LMOD2: variants seen among roughly 807,000 people sequenced by gnomAD.
LMOD2 encodes leiomodin-2.
In LMOD2, 27 loss-of-function variants were observed where a neutral mutation model predicts 41.7. The ratio of observed to expected loss-of-function variants is 0.65; its 90% confidence interval spans 0.48 to 0.89. The LOEUF is 0.89. Among genes scored for constraint, LMOD2 ranks in the 40% least tolerant of loss-of-function variants. LMOD2 has a pLI of 0.00. For missense variants in LMOD2, 624 were observed against 667.9 expected, an observed-to-expected ratio of 0.93 and a Z score of 0.72; for synonymous variants, 251 against 244.6, an observed-to-expected ratio of 1.03 and a Z score of -0.25.
chr7:123,660,606 C>T (rs1267580949), intron 1 of LMOD2, among the ~76,000 whole-genome samples: 1 of 150,960 alleles, frequency 6.6e-6, no homozygotes, highest in East Asian at 1.9e-4. Context: ...AAAAAGTTGC[C>T]AATATAGAGA....
In LMOD2 at chr7:123,663,057, A is replaced by C; in HGVS notation, c.1471A>C (p.Ser491Arg). ...GAAAAAGGTCAAGAAACAGCCAAAC[A>C]GTATTCTAAAGGAAATAAAAAATTC... ...KGKKVKKQPN[S>R]ILKEIKNSLR... The change falls in exon 2 of 3, where the codon AGT (serine) becomes CGT (arginine). Residue 491 changes from serine (S) to arginine (R), a missense_variant. Ser to Arg is a moderately radical substitution (Grantham distance 110). Coordinates refer to ENST00000458573, the MANE Select transcript of LMOD2 (RefSeq NM_207163.3). The C allele has an allele frequency of 6.4e-7, 1 of 1,556,584 alleles. No homozygotes were observed. Among genetic ancestry groups the C allele is most frequent in the East Asian group, 2.4e-5 (1 of 41,292 alleles).
In LMOD2 at chr7:123,656,221, G is replaced by T; in HGVS notation, c.258G>T (p.Leu86=). The T allele has an allele frequency of 6.2e-7, 1 of 1,606,966 alleles. No individual in the cohort carries two copies. The highest frequency in any genetic ancestry group is 8.5e-7 in the Non-Finnish European group (1 of 1,177,044). Reference sequence around the variant, plus strand: ...AAAAACTCTTGGAGAAGGAGAGGCTGGGGGAATGTGGAAAGGTAGGCTCTC... The same window carrying T: ...AAAAACTCTTGGAGAAGGAGAGGCTTGGGGAATGTGGAAAGGTAGGCTCTC... The part of the protein sequence containing the change: ...ESQKLLEKER[L]GECGKVAEDK... Residue 86 remains leucine, a synonymous_variant, in exon 1 of 3, where the codon CTG becomes CTT. Coordinates refer to ENST00000458573, the MANE Select transcript of LMOD2 (RefSeq NM_207163.3).
chr7:123,656,034 C>G lies in LMOD2; in HGVS notation c.71C>G (p.Ser24Cys). ...ESIDEDELLASLSAEELKELE... is the reference protein window; with the variant it reads ...ESIDEDELLACLSAEELKELE... ...ATCGACGAGGATGAACTCCTCGCCT[C>G]CCTGTCAGCCGAGGAGCTGAAGGAG... The change falls in exon 1 of 3, where the codon TCC (serine) becomes TGC (cysteine). Residue 24 changes from serine (S) to cysteine (C), a missense_variant. By Grantham distance (112) the Ser-to-Cys change is moderately radical. Coordinates refer to ENST00000458573, the MANE Select transcript of LMOD2 (RefSeq NM_207163.3). 1 of 1,610,754 alleles carries G rather than the reference C, an allele frequency of 6.2e-7. No homozygotes were observed. Among genetic ancestry groups the G allele is most frequent in the Middle Eastern group, 1.6e-4 (1 of 6,062 alleles).
Position 123,662,278 on chromosome 7 carries a change from G to C in LMOD2, c.692G>C (p.Arg231Pro). 6.2e-7 allele frequency: 1 copy of C among 1,614,000 alleles called. No homozygotes were observed. The highest frequency in any genetic ancestry group is 8.5e-7 in the Non-Finnish European group (1 of 1,179,898). ...IENITTQTLT[R>P]FAEALKDNTV... ...AACATCACAACACAGACCCTTACCC[G>C]CTTTGCTGAAGCCCTCAAGGACAAC... Residue 231 changes from arginine to proline, a missense_variant, in exon 2 of 3, where the codon CGC becomes CCC. Coordinates refer to ENST00000458573, the MANE Select transcript of LMOD2 (RefSeq NM_207163.3). The surrounding 1 kb of genome is among the most constrained non-coding windows in gnomAD (Gnocchi z 4.0).
chr7:123,661,602 T>C (rs1802874611), intron 1 of LMOD2, among the ~76,000 whole-genome samples: 1 of 152,200 alleles, frequency 6.6e-6, no homozygotes, highest in South Asian at 2.1e-4. Flanking sequence ...AAAATGATTA[T>C]ATATTTTTAT....
chr7:123,658,957 A>G (rs1460292687), intron 1 of LMOD2, among the ~76,000 whole-genome samples: 1 of 152,188 alleles, frequency 6.6e-6, no homozygotes, highest in Non-Finnish European at 1.5e-5. Flanking sequence ...CCTGAATAAC[A>G]TGGGGGTCAG....
intron 1 of LMOD2, among the ~76,000 whole-genome samples, chr7:123,656,607 T>C (rs961664453): frequency 1.3e-5 from 2 of 152,228 alleles, no homozygotes; most frequent in Non-Finnish European, 2.9e-5. Context: ...TATAAATGTA[T>C]ACTTTTTTTT....
In LMOD2 at chr7:123,662,757, G is replaced by T. The variant is rs1802903730; in HGVS notation, c.1171G>T (p.Val391Leu). The change falls in exon 2 of 3, where the codon GTA becomes TTA. Residue 391 changes from valine (V) to leucine (L), a missense_variant. By Grantham distance (32) the Val-to-Leu change is conservative. Coordinates refer to ENST00000458573, the MANE Select transcript of LMOD2 (RefSeq NM_207163.3). This position sits in a 1 kb window ranked among gnomAD's most constrained non-coding sequence, Gnocchi z 4.0. ...AGGAACACCTAGCTCTTCACCTTATGTATCTCCCAGGCACTCACCCTGGTC... is the reference window on the plus strand; with the variant it reads ...AGGAACACCTAGCTCTTCACCTTATTTATCTCCCAGGCACTCACCCTGGTC... ...QRGTPSSSPY[V>L]SPRHSPWSSP... 1 of 1,613,790 alleles carries T rather than the reference G, an allele frequency of 6.2e-7. No individual in the cohort carries two copies. The highest frequency in any genetic ancestry group is 1.7e-5 in the Admixed American group (1 of 59,988).
chr7:123,662,858 T>G lies in LMOD2; in HGVS notation c.1272T>G (p.Pro424=). ...CTCCTGTGGCCACACCTCCTCCTCC[T>G]CCCCCTCCTCCTCCTCCTCCCCCTC... ...PLSPVATPPP[P]PPPPPPPPPS... Residue 424 remains proline, a synonymous_variant, in exon 2 of 3, where the codon CCT becomes CCG. Transcript: ENST00000458573. The surrounding 1 kb of genome is among the most constrained non-coding windows in gnomAD (Gnocchi z 4.0). 1 of 1,379,710 alleles carries G rather than the reference T, an allele frequency of 7.2e-7. No homozygotes were observed. The highest frequency in any genetic ancestry group is 1.7e-5 in the African/African-American group (1 of 60,540). 85.5% of individuals were successfully genotyped at this position (1,379,710 alleles called of 1,614,324 possible). A position where few individuals can be genotyped will look rare whatever the true frequency, so the allele number is the denominator to read the frequency against.
intron 1 of LMOD2, among the ~76,000 whole-genome samples, chr7:123,661,181 G>A (rs1021332574): frequency 6.6e-6 from 1 of 152,160 alleles, no homozygotes; most frequent in Non-Finnish European, 1.5e-5. Context: ...AGCTACAGAG[G>A]CAGCTCTCAG....
chr7:123,662,632 C>A lies in LMOD2; in HGVS notation c.1046C>A (p.Thr349Lys), dbSNP rs917451459. The change falls in exon 2 of 3, where the codon ACA (threonine) becomes AAA (lysine). Residue 349 changes from threonine to lysine, a missense_variant. Coordinates refer to ENST00000458573, the MANE Select transcript of LMOD2 (RefSeq NM_207163.3). This position sits in a 1 kb window ranked among gnomAD's most constrained non-coding sequence, Gnocchi z 4.0. ...AGAATGAGCATGACGAGCATTTTGA[C>A]AAGAAATATGGATAAACAGAGGCAA... ...GPRMSMTSIL[T>K]RNMDKQRQKR... 1 of 1,613,920 alleles carries A rather than the reference C, an allele frequency of 6.2e-7. No homozygotes were observed. Among genetic ancestry groups the A allele is most frequent in the Non-Finnish European group, 8.5e-7 (1 of 1,179,882 alleles).
In LMOD2 at chr7:123,662,009, T is replaced by C. The variant is rs888426122; in HGVS notation, c.423T>C (p.Ile141=). The part of the protein sequence containing the change: ...EEDSDEEERT[I]ETAKGINGTV... The stretch of plus-strand genomic sequence containing the variant: ...ACAGTGACGAAGAGGAAAGAACAAT[T>C]GAAACTGCAAAAGGGATTAATGGAA... The change falls in exon 2 of 3, where the codon ATT becomes ATC. Residue 141 remains isoleucine, a synonymous_variant. Coordinates refer to ENST00000458573, the MANE Select transcript of LMOD2 (RefSeq NM_207163.3). The surrounding 1 kb of genome is among the most constrained non-coding windows in gnomAD (Gnocchi z 4.0). The C allele has an allele frequency of 6.4e-7, 1 of 1,566,840 alleles. No individual in the cohort carries two copies. Among genetic ancestry groups the C allele is most frequent in the African/African-American group, 1.4e-5 (1 of 73,838 alleles).
rs892335606 is a variant in LMOD2 at position 123,662,848 on chromosome 7, C to T, written c.1262C>T (p.Pro421Leu). Reference sequence around the variant, plus strand: ...CGTCCTCTGTCTCCTGTGGCCACACCTCCTCCTCCTCCCCCTCCTCCTCCT... The same window carrying T: ...CGTCCTCTGTCTCCTGTGGCCACACTTCCTCCTCCTCCCCCTCCTCCTCCT... ...RSRPLSPVAT[P>L]PPPPPPPPPP... Residue 421 changes from proline to leucine, a missense_variant, in exon 2 of 3, where the codon CCT becomes CTT. Transcript: ENST00000458573. This position sits in a 1 kb window ranked among gnomAD's most constrained non-coding sequence, Gnocchi z 4.0. 6.3e-7 allele frequency: 1 copy of T among 1,594,544 alleles called. No homozygotes were observed. Among genetic ancestry groups the T allele is most frequent in the Non-Finnish European group, 8.6e-7 (1 of 1,169,324 alleles).
chr7:123,657,991 TAAAAAAAAAAA>T (rs10693592), intron 1 of LMOD2, among the ~76,000 whole-genome samples: 1 of 90,584 alleles, frequency 1.1e-5, no homozygotes, highest in Non-Finnish European at 2.0e-5. Flanking sequence ...CTTGTCTCAT[TAAAAAAAAAAA>T]AAAAAAAAAA....
chr7:123,656,903 G>T (rs372802044), intron 1 of LMOD2, among the ~76,000 whole-genome samples: 121 of 152,284 alleles, frequency 7.9e-4, no homozygotes, highest in African/African-American at 2.8e-3. Flanking sequence ...TTGAGATTTT[G>T]ATAAGTTATG....
At chr7:123,659,649 G>A (rs530883247) in intron 1 of LMOD2, among the ~76,000 whole-genome samples, 28 of 152,280 alleles carry the variant, frequency 1.8e-4, no homozygotes, top group Non-Finnish European at 3.7e-4. Flanking sequence ...TACATGCTAA[G>A]CACTGTGCTA....
intron 1 of LMOD2, among the ~76,000 whole-genome samples, chr7:123,661,647 C>T (rs1266483580): frequency 2.0e-5 from 3 of 152,010 alleles, no homozygotes; most frequent in Non-Finnish European, 4.4e-5. Context: ...CTGCAGAAAA[C>T]AAGAGAAATG....
At chr7:123,659,638 C>T (rs920978277) in intron 1 of LMOD2, among the ~76,000 whole-genome samples, 7 of 152,178 alleles carry the variant, frequency 4.6e-5, no homozygotes, top group Non-Finnish European at 8.8e-5. Flanking sequence ...TGAGCTCCTA[C>T]TACATGCTAA....
At chr7:123,657,991 T>TAAAAAAAAAAA (rs10693592) in intron 1 of LMOD2, among the ~76,000 whole-genome samples, 3 of 90,574 alleles carry the variant, frequency 3.3e-5, no homozygotes, top group Non-Finnish European at 4.1e-5. Context: ...CTTGTCTCAT[T>TAAAAAAAAAAA]AAAAAAAAAA....
Sources: allele counts gnomAD v4.1 joint callset (sites outside exome capture counted in the v4.1 genomes callset), GRCh38; gene constraint gnomAD v4.1.1; non-coding constraint Gnocchi (gnomAD v3.1); transcripts MANE v1.5; gene names NCBI Gene and HGNC (gene_info 2026-07-23, HGNC 2026-07-21).